LIMCH1: variants seen among roughly 807,000 people sequenced by gnomAD.
The protein encoded by LIMCH1 is LIM and calponin homology domains 1.
LIMCH1 carries 113 observed loss-of-function variants against 176.5 expected under a neutral mutation model. The ratio of observed to expected loss-of-function variants is 0.64; its 90% confidence interval spans 0.55 to 0.75. The LOEUF is 0.75. LIMCH1 is among the 30% of genes least tolerant of loss of function. LIMCH1 has a pLI of 0.00. For missense variants in LIMCH1, 1,674 were observed against 1,814.9 expected, an observed-to-expected ratio of 0.92 and a Z score of 1.41; for synonymous variants, 619 against 645.9, an observed-to-expected ratio of 0.96 and a Z score of 0.63.
chr4:41,399,471 G>A (rs2058143767), intron 1 of LIMCH1, among the ~76,000 whole-genome samples: 1 of 152,098 alleles, frequency 6.6e-6, no homozygotes, highest in African/African-American at 2.4e-5. Context: ...GGAGAAATAA[G>A]ACTTTCTAGT....
chr4:41,547,831 A>G (rs2079737092), intron 1 of LIMCH1, among the ~76,000 whole-genome samples: 1 of 138,894 alleles, frequency 7.2e-6, no homozygotes. Flanking sequence ...ATAAATACAT[A>G]TAATGTTTTA....
intron 1 of LIMCH1, among the ~76,000 whole-genome samples, chr4:41,597,232 A>G (rs2089035155): frequency 6.6e-6 from 1 of 152,072 alleles, no homozygotes; most frequent in Admixed American, 6.5e-5. Flanking sequence ...TTGCACCTCC[A>G]TCGTTTGGGG....
chr4:41,572,790 G>T (rs1176655292), intron 1 of LIMCH1, among the ~76,000 whole-genome samples: 1 of 152,154 alleles, frequency 6.6e-6, no homozygotes. Flanking sequence ...TCTTAGGTGG[G>T]TTAAGAACTT....
intron 2 of LIMCH1, among the ~76,000 whole-genome samples, chr4:41,600,709 A>G (rs965321443): frequency 1.3e-5 from 2 of 152,154 alleles, no homozygotes; most frequent in Non-Finnish European, 2.9e-5. Flanking sequence ...TTCATCTAAA[A>G]ATTGAAACTG....
chr4:41,414,078 A>G (rs1053509513), intron 1 of LIMCH1, among the ~76,000 whole-genome samples: 4 of 152,210 alleles, frequency 2.6e-5, no homozygotes, highest in African/African-American at 7.2e-5. Context: ...CAGATTTATT[A>G]TAACTCATTC....
chr4:41,506,882 T>C (rs1229866335), intron 2 of LIMCH1, among the ~76,000 whole-genome samples: 1 of 152,188 alleles, frequency 6.6e-6, no homozygotes, highest in Non-Finnish European at 1.5e-5. Flanking sequence ...CTGGAGATAA[T>C]ACAGACTACA....
At chr4:41,613,787 T>A (rs984465843) in intron 5 of LIMCH1, 126 bp downstream of exon 5, 1 of 757,028 alleles carries the variant, frequency 1.3e-6, no homozygotes, top group African/African-American at 1.7e-5. Context: ...AACTTAGTAA[T>A]TCTATAAACT....
intron 1 of LIMCH1, among the ~76,000 whole-genome samples, chr4:41,586,265 T>C (rs1381560586): frequency 1.3e-5 from 2 of 151,862 alleles, no homozygotes; most frequent in East Asian, 1.9e-4. Context: ...CATGTCACCA[T>C]GCCTGGCTAA....
rs532943420 is a variant in LIMCH1, at chr4:41,610,755, C to G, written c.10-2711C>G. The stretch of plus-strand genomic sequence containing the variant: ...CAAGGGGTGGAGCCAATAGTTAAAC[C>G]CAGCCAGTCGGTATTCGGAGACCAT... On this transcript the variant is annotated intron_variant, in intron 4 of 31. Coordinates refer to ENST00000503057, the MANE Select transcript of LIMCH1 (RefSeq NM_001330672.2). Among the ~76,000 whole-genome samples, 5 of 152,242 alleles carry G rather than the reference C, an allele frequency of 3.3e-5. No individual in the cohort carries two copies. In the East Asian group the frequency reaches 9.7e-4, roughly 29 times the overall value.
At position 41,692,333 on chromosome 4, in the gene LIMCH1, A is replaced by G. The variant is rs766002610; in HGVS notation, c.4327A>G (p.Arg1443Gly). 6.2e-7 allele frequency: 1 copy of G among 1,613,684 alleles called. No individual in the cohort carries two copies. The highest frequency in any genetic ancestry group is 1.7e-5 in the Admixed American group (1 of 59,992). ...AGATGCAGTGAGTGGGACGGATGTT[A>G]GGATTCGAAATGGTCTCCTGAACTG... The part of the protein sequence containing the change: ...LGDAVSGTDV[R>G]IRNGLLNCND... Residue 1443 changes from arginine to glycine, a missense_variant, in exon 31 of 32, where the codon AGG becomes GGG. By Grantham distance (125) the Arg-to-Gly change is moderately radical (BLOSUM62 -2). Around this residue, in one of 3 missense-constraint regions of LIMCH1, gnomAD observed 1,015 missense variants for 1,102.5 expected, o/e 0.92. Coordinates refer to ENST00000503057, the MANE Select transcript of LIMCH1 (RefSeq NM_001330672.2).
intron 3 of LIMCH1, among the ~76,000 whole-genome samples, chr4:41,605,304 A>G (rs535966106): frequency 1.3e-5 from 2 of 152,302 alleles, no homozygotes; most frequent in South Asian, 4.1e-4. Context: ...TATACCCCAA[A>G]GCTAGGTATC....
At chr4:41,692,136 G>A in intron 30 of LIMCH1, 146 bp from the exon 31 acceptor site, 1 of 587,160 alleles carries the variant, frequency 1.7e-6, no homozygotes, top group African/African-American at 1.9e-5. Context: ...AGTTGACACT[G>A]GTGCAGCATC....
At chr4:41,462,118 G>C (rs2065454834) in intron 1 of LIMCH1, among the ~76,000 whole-genome samples, 1 of 152,196 alleles carries the variant, frequency 6.6e-6, no homozygotes, top group African/African-American at 2.4e-5. Flanking sequence ...TGGAAAGACT[G>C]ACTTGAAATC....
At chr4:41,577,721 G>A (rs1290988796) in intron 1 of LIMCH1, among the ~76,000 whole-genome samples, 1 of 152,108 alleles carries the variant, frequency 6.6e-6, no homozygotes, top group African/African-American at 2.4e-5. Flanking sequence ...GAGCTACCAC[G>A]CCTTGCCACA....
intron 1 of LIMCH1, among the ~76,000 whole-genome samples, chr4:41,489,333 A>G (rs944752617): frequency 6.6e-6 from 1 of 151,968 alleles, no homozygotes; most frequent in Admixed American, 6.6e-5. Flanking sequence ...TTCACTCCTG[A>G]GTTTTCTCCC....
Position 41,697,971 on chromosome 4 carries a change from A to G in LIMCH1, c.*786A>G, listed in dbSNP as rs1731665376. On this transcript the variant is annotated 3_prime_UTR_variant, in exon 32 of 32. Transcript: ENST00000503057. The stretch of plus-strand genomic sequence containing the variant: ...TTCAGTCATCATTTCCAAAGTCATT[A>G]TCAAAATCTGTGAGGAAGTTTAATC... 1 of 151,262 alleles carries G rather than the reference A, an allele frequency of 6.6e-6. No homozygotes were observed. 9.4% of individuals were successfully genotyped at this position (151,262 alleles called of 1,614,324 possible). A position where few individuals can be genotyped will look rare whatever the true frequency, so the allele number is the denominator to read the frequency against.
At chr4:41,376,323 A>G (rs1009557282) in intron 1 of LIMCH1, among the ~76,000 whole-genome samples, 3 of 152,214 alleles carry the variant, frequency 2.0e-5, no homozygotes, top group African/African-American at 7.2e-5. Flanking sequence ...AAAGTGTAGT[A>G]GATTTGCTAA....
chr4:41,497,330 AG>A (rs2072359737), intron 2 of LIMCH1, among the ~76,000 whole-genome samples: 2 of 150,050 alleles, frequency 1.3e-5, no homozygotes, highest in Admixed American at 6.6e-5. Context: ...AAAAAAAAAA[AG>A]CTTCATCATT....
intron 1 of LIMCH1, among the ~76,000 whole-genome samples, chr4:41,548,297 C>A (rs138013898): frequency 2.8e-3 from 430 of 152,138 alleles, no homozygotes; most frequent in African/African-American, 9.0e-3. Context: ...TTGTAAAATG[C>A]GAGTGTTGAA....
Sources: gnomAD v4.1 joint callset for allele counts (sites outside exome capture counted in the v4.1 genomes callset) on GRCh38, gnomAD v4.1.1 for gene constraint, gnomAD v4.1.1 regional missense constraint, MANE v1.5 for transcripts, NCBI Gene and HGNC (gene_info 2026-07-23, HGNC 2026-07-21) for gene names.